NXPH2: variants seen among roughly 807,000 people sequenced by gnomAD.
NXPH2 encodes the protein neurexophilin-2.
Under a neutral mutation model 19.8 loss-of-function variants are expected in NXPH2, and 5 were observed. The ratio of observed to expected loss-of-function variants is 0.25; its 90% confidence interval spans 0.13 to 0.53. The LOEUF (loss-of-function observed/expected upper bound fraction) is 0.53, where lower values mean the gene tolerates loss of function less well. NXPH2 is among the 20% of genes least tolerant of loss of function. NXPH2 has a pLI of 0.96. For synonymous variants in NXPH2, 154 were observed against 127.4 expected (o/e 1.21, Z -1.41); for missense variants, 289 against 322.8 (o/e 0.90, Z 0.80).
intron 1 of NXPH2, among the ~76,000 whole-genome samples, chr2:138,706,432 A>T (rs1681009733): frequency 6.6e-6 from 1 of 152,232 alleles, no homozygotes; most frequent in Admixed American, 6.5e-5. Context: ...ATGCCCAAGT[A>T]TCCCGAATGC....
chr2:138,683,743 T>C (rs1182494779), intron 1 of NXPH2, among the ~76,000 whole-genome samples: 1 of 152,202 alleles, frequency 6.6e-6, no homozygotes, highest in African/African-American at 2.4e-5. Context: ...TCAGTCCACT[T>C]TTTGCTGTTG....
intron 1 of NXPH2, among the ~76,000 whole-genome samples, chr2:138,761,566 T>C (rs183360105): frequency 6.6e-6 from 1 of 152,172 alleles, no homozygotes; most frequent in African/African-American, 2.4e-5. Flanking sequence ...AAAGTGCTAT[T>C]CTGAGAGATG....
intron 1 of NXPH2, among the ~76,000 whole-genome samples, chr2:138,745,084 C>T (rs1558927675): frequency 6.6e-6 from 1 of 152,146 alleles, no homozygotes; most frequent in African/African-American, 2.4e-5. Context: ...GACTGCTGCC[C>T]CTAAGACTAA....
intron 1 of NXPH2, among the ~76,000 whole-genome samples, chr2:138,744,840 G>A (rs770586564): frequency 1.2e-4 from 19 of 152,186 alleles, no homozygotes; most frequent in Non-Finnish European, 7.3e-5. Context: ...GGATCTCTGA[G>A]TGTAGACAGC....
In NXPH2 at chr2:138,670,812, T is replaced by G; in HGVS notation, c.*110A>C. The G allele has an allele frequency of 2.5e-6, 3 of 1,177,624 alleles. No individual in the cohort carries two copies. In the Admixed American group the frequency reaches 8.1e-5, roughly 32 times the overall value. 72.9% of individuals were successfully genotyped at this position (1,177,624 alleles called of 1,614,324 possible). On this transcript the variant is annotated 3_prime_UTR_variant, in exon 2 of 2. Transcript: ENST00000272641. The stretch of plus-strand genomic sequence containing the variant: ...ATTTGAAAACCTGATAGGGAACTAT[T>G]GTTCACTGCCAGAAACAAAAGGGAT...
At chr2:138,708,632 A>G (rs1420088877) in intron 1 of NXPH2, among the ~76,000 whole-genome samples, 1 of 152,244 alleles carries the variant, frequency 6.6e-6, no homozygotes, top group Non-Finnish European at 1.5e-5. Context: ...TCTATATAGC[A>G]GTCTAGAAAT....
At chr2:138,747,309 G>A (rs1681754052) in intron 1 of NXPH2, among the ~76,000 whole-genome samples, 1 of 152,286 alleles carries the variant, frequency 6.6e-6, no homozygotes, top group Non-Finnish European at 1.5e-5. Context: ...GGGGCTGGTA[G>A]TTGTTGGGCG....
intron 1 of NXPH2, among the ~76,000 whole-genome samples, chr2:138,695,671 T>C (rs1680819047): frequency 6.6e-6 from 1 of 152,074 alleles, no homozygotes; most frequent in Non-Finnish European, 1.5e-5. Flanking sequence ...TGATAAACTA[T>C]TTGATATAAA....
chr2:138,697,473 C>T (rs1680845712), intron 1 of NXPH2, among the ~76,000 whole-genome samples: 1 of 151,338 alleles, frequency 6.6e-6, no homozygotes, highest in South Asian at 2.1e-4. Context: ...TATATGGGTA[C>T]CCATTAAAAT....
intron 1 of NXPH2, among the ~76,000 whole-genome samples, chr2:138,738,942 G>A (rs1681602168): frequency 6.6e-6 from 1 of 152,102 alleles, no homozygotes; most frequent in African/African-American, 2.4e-5. Context: ...ACGGCACAAT[G>A]GAAATTAACA....
At chr2:138,679,571 T>C (rs529797411) in intron 1 of NXPH2, among the ~76,000 whole-genome samples, 5 of 152,264 alleles carry the variant, frequency 3.3e-5, no homozygotes, top group South Asian at 2.1e-4. Context: ...CGGCTAATTT[T>C]GTATTTTTAC....
intron 1 of NXPH2, among the ~76,000 whole-genome samples, chr2:138,763,246 A>G (rs1465197937): frequency 1.1e-4 from 17 of 152,340 alleles, no homozygotes; most frequent in Admixed American, 3.3e-4. Flanking sequence ...AAGCACTAAA[A>G]TAACAGAATA....
At chr2:138,723,934 C>CTTTT (rs66507808) in intron 1 of NXPH2, among the ~76,000 whole-genome samples, 24,098 of 144,472 alleles carry the variant, frequency 0.17, 2,126 homozygotes, top group East Asian at 0.24. Flanking sequence ...GTCATAATTT[C>CTTTT]TTTTTTTTTT....
intron 1 of NXPH2, among the ~76,000 whole-genome samples, chr2:138,719,784 C>A: frequency 6.6e-6 from 1 of 152,042 alleles, no homozygotes; most frequent in East Asian, 1.9e-4. Flanking sequence ...CCAAATAATG[C>A]CAGTATTATT....
chr2:138,751,675 T>G (rs1681832186), intron 1 of NXPH2, among the ~76,000 whole-genome samples: 1 of 152,174 alleles, frequency 6.6e-6, no homozygotes, highest in African/African-American at 2.4e-5. Context: ...TTATTTTTCT[T>G]GGCCACCAGA....
At chr2:138,705,764 T>C (rs997589914) in intron 1 of NXPH2, among the ~76,000 whole-genome samples, 4 of 151,552 alleles carry the variant, frequency 2.6e-5, no homozygotes, top group African/African-American at 7.2e-5. Context: ...GTTCTCTCTC[T>C]CTTTCTAGAG....
At chr2:138,745,133 T>C (rs992509526) in intron 1 of NXPH2, among the ~76,000 whole-genome samples, 2 of 152,220 alleles carry the variant, frequency 1.3e-5, no homozygotes, top group Non-Finnish European at 2.9e-5. Context: ...TGGTTGCAGC[T>C]GTAGCTGGGC....
At chr2:138,705,902 T>C (rs1681001784) in intron 1 of NXPH2, among the ~76,000 whole-genome samples, 1 of 152,218 alleles carries the variant, frequency 6.6e-6, no homozygotes, top group African/African-American at 2.4e-5. Flanking sequence ...CATTCTTCAA[T>C]TCTCATAACC....
At chr2:138,680,258 T>C (rs1680553094) in intron 1 of NXPH2, among the ~76,000 whole-genome samples, 2 of 152,174 alleles carry the variant, frequency 1.3e-5, no homozygotes. Context: ...GCACAAGATA[T>C]GGTTGCACTT....
Sources: allele counts gnomAD v4.1 joint callset (sites outside exome capture counted in the v4.1 genomes callset), GRCh38; gene constraint gnomAD v4.1.1; transcripts MANE v1.5; gene names NCBI Gene and HGNC (gene_info 2026-07-23, HGNC 2026-07-21).